The following TDRD12 variants were observed in gnomAD, a reference collection of about 807,000 sequenced individuals.
The protein encoded by TDRD12 is putative ATP-dependent RNA helicase TDRD12.
A neutral mutation model predicts 133.5 loss-of-function variants in TDRD12; 158 were observed. The ratio of observed to expected loss-of-function variants is 1.18; its 90% CI spans 1.04 to 1.35. TDRD12 has a LOEUF of 1.35. TDRD12 is among the 40% of genes most tolerant of loss of function. The pLI is 0.00. For synonymous variants in TDRD12, 460 were observed against 477.9 expected (o/e 0.96, Z 0.49); for missense variants, 1,443 against 1,321.3 (o/e 1.09, Z -1.43).
chr19:32,801,356 A>G (rs1473003426), intron 18 of TDRD12, among the ~76,000 whole-genome samples: 1 of 152,212 alleles, frequency 6.6e-6, no homozygotes, highest in Non-Finnish European at 1.5e-5. Context: ...CAACTACCAA[A>G]TAAAAGAATT....
intron 22 of TDRD12, among the ~76,000 whole-genome samples, chr19:32,809,305 C>T (rs753606112): frequency 3.3e-5 from 5 of 152,182 alleles, no homozygotes; most frequent in African/African-American, 7.2e-5. Context: ...CTTCCAGGCT[C>T]GCTTGTTGCA....
At chr19:32,736,723 G>C (rs1969236152) in intron 2 of TDRD12, among the ~76,000 whole-genome samples, 1 of 152,148 alleles carries the variant, frequency 6.6e-6, no homozygotes, top group Non-Finnish European at 1.5e-5. Context: ...CTTCCTTTCT[G>C]TCTGAGCGCA....
At chr19:32,787,779 G>C (rs774285932) in intron 11 of TDRD12, among the ~76,000 whole-genome samples, 21 of 152,240 alleles carry the variant, frequency 1.4e-4, no homozygotes, top group Admixed American at 2.6e-4. Context: ...TGGTCTGCTG[G>C]TTGTGAAGAC....
chr19:32,731,996 C>T, intron 2 of TDRD12, 113 bp downstream of exon 2: 1 of 1,104,796 alleles, frequency 9.1e-7, no homozygotes, highest in African/African-American at 1.6e-5. Flanking sequence ...TTCTTACACT[C>T]AGTGCCTTGT....
intron 8 of TDRD12, among the ~76,000 whole-genome samples, chr19:32,770,357 A>T (rs934834598): frequency 2.0e-5 from 3 of 150,824 alleles, no homozygotes; most frequent in Admixed American, 6.6e-5. Flanking sequence ...TTTCTTTATT[A>T]TTTTCTGCCT....
At chr19:32,781,778 G>A (rs1970774111) in intron 11 of TDRD12, among the ~76,000 whole-genome samples, 2 of 151,488 alleles carry the variant, frequency 1.3e-5, no homozygotes, top group Admixed American at 1.3e-4. Context: ...GCCTTGGTGT[G>A]GTTCTATTAT....
At chr19:32,756,631 G>T (rs1055374089) in intron 7 of TDRD12, among the ~76,000 whole-genome samples, 2 of 152,040 alleles carry the variant, frequency 1.3e-5, no homozygotes, top group South Asian at 2.1e-4. Context: ...CTCATGATCC[G>T]CCTGTCTCAG....
At chr19:32,804,141 C>T (rs181956548) in intron 21 of TDRD12, among the ~76,000 whole-genome samples, 153 of 151,870 alleles carry the variant, frequency 1.0e-3, no homozygotes, top group East Asian at 6.7e-3. Context: ...GGCGCCATCT[C>T]GGCTCACTGC....
exon 7 of TDRD12, chr19:32,756,026 A>G: frequency 6.8e-7 from 1 of 1,473,922 alleles, no homozygotes; most frequent in Non-Finnish European, 8.9e-7. Flanking sequence ...GCAAAGAACT[A>G]TGCTTGTTAT....
intron 11 of TDRD12, among the ~76,000 whole-genome samples, chr19:32,777,584 C>T (rs1205678462): frequency 6.6e-6 from 1 of 151,884 alleles, no homozygotes; most frequent in East Asian, 1.9e-4. Context: ...TGAGGCAACA[C>T]TGCTAGAGAA....
rs1036310825 is a variant in TDRD12, at chr19:32,826,318, A to G, written c.857A>G (p.Asp286Gly). Residue 286 changes from aspartate to glycine, a missense_variant, in exon 8 of 10, where the codon GAC becomes GGC. By Grantham distance (94) the Asp-to-Gly change is moderately conservative (BLOSUM62 -1). Coordinates refer to the TDRD12 transcript ENST00000637289. ...AAGATAAGAATAAGGAATGTAAAGG[A>G]CTACAAGTGTCAGTATTTAAGGGAT... 12 of 1,389,328 alleles carry G rather than the reference A, an allele frequency of 8.6e-6. No individual in the cohort carries two copies. The African/African-American group carries it at 1.6e-4, about 18-fold the overall frequency. 86.1% of individuals were successfully genotyped at this position (1,389,328 alleles called of 1,614,324 possible).
intron 15 of TDRD12, 48 bp from the exon 16 acceptor site, chr19:32,798,260 A>G: frequency 6.6e-7 from 1 of 1,511,560 alleles, no homozygotes; most frequent in Non-Finnish European, 8.9e-7. Context: ...GAAATCTTAG[A>G]AAAACCTGTG....
At chr19:32,721,090 C>T (rs1301145097) in intron 1 of TDRD12, among the ~76,000 whole-genome samples, 1 of 152,098 alleles carries the variant, frequency 6.6e-6, no homozygotes, top group Non-Finnish European at 1.5e-5. Flanking sequence ...GGGCTTCCCT[C>T]ATGCCCCCAG....
In TDRD12 at chr19:32,771,659, T is replaced by G. The variant is rs1970447132; in HGVS notation, c.866-1094T>G. ...GACTTAGTGATTTTTGTTTGAGAGC[T>G]TATCTTGCATGAACATTTCTCTCTT... is the stretch of plus-strand genomic sequence containing the variant. On this transcript the variant is annotated intron_variant, in intron 8 of 27. Transcript: ENST00000444215. Among the ~76,000 whole-genome samples the G allele has an allele frequency of 2.0e-5, 3 of 152,058 alleles. No individual in the cohort carries two copies. In the South Asian group the frequency reaches 6.2e-4, roughly 32 times the overall value.
chr19:32,731,447 T>C (rs1452383557), intron 1 of TDRD12, among the ~76,000 whole-genome samples: 2 of 152,050 alleles, frequency 1.3e-5, no homozygotes, highest in Non-Finnish European at 2.9e-5. Flanking sequence ...AAAACATTGC[T>C]CTGAACCTTG....
intron 7 of TDRD12, among the ~76,000 whole-genome samples, chr19:32,756,782 A>G (rs754023500): frequency 6.6e-6 from 1 of 152,202 alleles, no homozygotes; most frequent in Non-Finnish European, 1.5e-5. Flanking sequence ...TAGACTTTAG[A>G]CACCTTTAAA....
At chr19:32,790,338 G>A (rs768477678) in intron 11 of TDRD12, among the ~76,000 whole-genome samples, 193 bp from the exon 12 acceptor site, 22 of 152,216 alleles carry the variant, frequency 1.4e-4, no homozygotes, top group Non-Finnish European at 2.6e-4. Flanking sequence ...GGACCTGGGT[G>A]GCAGGGTTGT....
chr19:32,766,835 G>A (rs1028385218), intron 8 of TDRD12, among the ~76,000 whole-genome samples: 1 of 151,844 alleles, frequency 6.6e-6, no homozygotes, highest in Non-Finnish European at 1.5e-5. Context: ...GGCTGGTCTC[G>A]AACTCCTGAC....
chr19:32,777,118 AT>A lies in TDRD12; in HGVS notation c.1041-27del, dbSNP rs1392347690. The A allele has an allele frequency of 4.1e-6, 6 of 1,458,064 alleles. No individual in the cohort carries two copies. The East Asian group carries it at 1.2e-4, about 30-fold the overall frequency. The allele number at this position is 1,458,064 out of a possible 1,614,324, so 90.3% of individuals were successfully genotyped here. A position where few individuals can be genotyped will look rare whatever the true frequency, so the allele number is the denominator to read the frequency against. On this transcript the variant is annotated intron_variant, in intron 10 of 27. Coordinates refer to ENST00000444215, the Ensembl canonical transcript of TDRD12. ...GTGTTGCCCAGGCTGCTGTTCACAA[AT>A]TTTAATGAATTTTTTTTTTTCATTT...
Sources: allele counts gnomAD v4.1 joint callset (sites outside exome capture counted in the v4.1 genomes callset), GRCh38; gene constraint gnomAD v4.1.1; transcripts MANE v1.5; gene names NCBI Gene and HGNC (gene_info 2026-07-23, HGNC 2026-07-21).